DUSP22: variants seen among roughly 807,000 people sequenced by gnomAD.
DUSP22 encodes the protein dual specificity protein phosphatase 22.
A neutral mutation model predicts 24.5 loss-of-function variants in DUSP22; 24 were observed. The ratio of observed to expected loss-of-function variants is 0.98; its 90% CI spans 0.71 to 1.38. The LOEUF is 1.38. Ranked by LOEUF, DUSP22 falls within the 40% of genes most tolerant of loss-of-function variation. The pLI is 0.00. For missense variants in DUSP22, 330 were observed against 269.2 expected, an observed-to-expected ratio of 1.23 and a Z score of -1.58; for synonymous variants, 160 against 106.4, an observed-to-expected ratio of 1.50 and a Z score of -3.10.
chr6:292,655 C>A, intron 1 of DUSP22, 95 bp downstream of exon 1: 2 of 1,488,920 alleles, frequency 1.3e-6, no homozygotes, highest in South Asian at 2.5e-5. Flanking sequence ...GCCCGGGGTG[C>A]CCTTTCCCGC....
At chr6:327,831 A>G (rs1758953700) in intron 3 of DUSP22, among the ~76,000 whole-genome samples, 1 of 152,300 alleles carries the variant, frequency 6.6e-6, no homozygotes, top group Non-Finnish European at 1.5e-5. Flanking sequence ...GCAGGGAAGC[A>G]CAGAACATGT....
chr6:312,028 T>G, intron 3 of DUSP22, 66 bp downstream of exon 3: 1 of 1,527,512 alleles, frequency 6.5e-7, no homozygotes, highest in South Asian at 1.2e-5. Flanking sequence ...ACCTACGACG[T>G]TAATGAAGGC....
intron 3 of DUSP22, among the ~76,000 whole-genome samples, chr6:330,660 A>C (rs1233918558): frequency 6.6e-6 from 1 of 152,304 alleles, no homozygotes; most frequent in Non-Finnish European, 1.5e-5. Context: ...AAAACTGAAA[A>C]GTATTTAGAA....
chr6:297,247 A>T (rs1757376673), intron 1 of DUSP22, among the ~76,000 whole-genome samples: 1 of 152,304 alleles, frequency 6.6e-6, no homozygotes, highest in Non-Finnish European at 1.5e-5. Flanking sequence ...TGGCTGTAAA[A>T]TGAGGGTAAT....
At chr6:346,008 A>C in intron 5 of DUSP22, 80 bp downstream of exon 5, 1 of 1,559,152 alleles carries the variant, frequency 6.4e-7, no homozygotes, top group Admixed American at 1.7e-5. Context: ...TCCGTGTGTG[A>C]ATAATGGTTT....
intron 3 of DUSP22, among the ~76,000 whole-genome samples, chr6:313,070 T>C (rs1481843687): frequency 6.6e-6 from 1 of 152,274 alleles, no homozygotes; most frequent in Non-Finnish European, 1.5e-5. Context: ...AACAGTTCCT[T>C]TGAAAATAAC....
intron 4 of DUSP22, among the ~76,000 whole-genome samples, chr6:341,450 G>T (rs1377280743): frequency 6.6e-6 from 1 of 152,308 alleles, no homozygotes; most frequent in Non-Finnish European, 1.5e-5. Context: ...TGGGGCTTCT[G>T]TCATCAGCTT....
intron 3 of DUSP22, among the ~76,000 whole-genome samples, chr6:332,876 G>A (rs904363754): frequency 1.3e-5 from 2 of 152,300 alleles, no homozygotes; most frequent in Non-Finnish European, 2.9e-5. Flanking sequence ...AGCGTGGAGG[G>A]AGAGTGTGGG....
Position 348,099 on chromosome 6 carries a change from G to C in DUSP22, c.264-4G>C, listed in dbSNP as rs774984934. ...TCACACATGTGCTTCTCTTGGCCCC[G>C]CAGCCTGGCCGGGGTCTCCAGGAGC... is the stretch of plus-strand genomic sequence containing the variant. On this transcript the variant is annotated splice_region_variant and splice_polypyrimidine_tract_variant and intron_variant, in intron 5 of 6. Transcript: ENST00000419235. 4 of 1,613,942 alleles carry C rather than the reference G, an allele frequency of 2.5e-6. No homozygotes were observed. Among genetic ancestry groups the C allele is most frequent in the African/African-American group, 1.3e-5 (1 of 74,962 alleles).
chr6:308,402 G>A (rs963554428), intron 2 of DUSP22, among the ~76,000 whole-genome samples: 12 of 152,416 alleles, frequency 7.9e-5, no homozygotes, highest in African/African-American at 2.9e-4. Context: ...AAGTTCCAGG[G>A]TCATCACCCA....
intron 2 of DUSP22, among the ~76,000 whole-genome samples, chr6:307,174 C>G (rs1438187568): frequency 6.6e-6 from 1 of 152,310 alleles, no homozygotes; most frequent in Non-Finnish European, 1.5e-5. Flanking sequence ...TTATCCTGCT[C>G]TTTTAAAATT....
At chr6:335,194 A>G in intron 4 of DUSP22, 31 bp downstream of exon 4, 1 of 1,609,122 alleles carries the variant, frequency 6.2e-7, no homozygotes, top group Non-Finnish European at 8.5e-7. Context: ...TTATTTGGAG[A>G]CATTTAAAAA....
chr6:300,260 TG>T (rs1453100516), intron 1 of DUSP22, among the ~76,000 whole-genome samples: 14 of 152,418 alleles, frequency 9.2e-5, no homozygotes, highest in Non-Finnish European at 1.8e-4. Flanking sequence ...TCCTTAGATG[TG>T]GGTGAGATTG....
chr6:297,921 C>T (rs1464285509), intron 1 of DUSP22, among the ~76,000 whole-genome samples: 2 of 152,308 alleles, frequency 1.3e-5, no homozygotes, highest in African/African-American at 4.8e-5. Context: ...TGTTATTGAA[C>T]ACAGTCAAGA....
rs568638535 is a variant in DUSP22, at chr6:350,710, G to C, written c.*1759G>C. 8 of 1,600,418 alleles carry C rather than the reference G, an allele frequency of 5.0e-6. No individual in the cohort carries two copies. In the South Asian group the frequency reaches 7.9e-5, roughly 16 times the overall value. ...ATACGTTAACAGAAAAATGATTTAG[G>C]ATATAGCTTGAATGCTTAAATATGT... On this transcript the variant is annotated 3_prime_UTR_variant, in exon 7 of 7. Coordinates refer to ENST00000419235, the MANE Select transcript of DUSP22 (RefSeq NM_001286555.3).
At chr6:348,594 T>C (rs1204289444) in intron 6 of DUSP22, 175 bp from the exon 7 acceptor site, 4 of 1,132,968 alleles carry the variant, frequency 3.5e-6, no homozygotes. Context: ...GAAGGAGCAG[T>C]TCCTTCTCTT....
chr6:337,552 C>G (rs547866277), intron 4 of DUSP22, among the ~76,000 whole-genome samples: 2 of 152,302 alleles, frequency 1.3e-5, no homozygotes, highest in African/African-American at 4.8e-5. Context: ...TCTCGTGGGT[C>G]AGTTCAGATC....
At position 311,913 on chromosome 6, in the gene DUSP22, A is replaced by C; in HGVS notation, c.89A>C (p.Lys30Thr). The C allele has an allele frequency of 6.2e-7, 1 of 1,612,890 alleles. No individual in the cohort carries two copies. Among genetic ancestry groups the C allele is most frequent in the Non-Finnish European group, 8.5e-7 (1 of 1,179,248 alleles). Residue 30 changes from lysine to threonine, a missense_variant, in exon 3 of 7, where the codon AAG becomes ACG. Physicochemically the swap from Lys to Thr is moderately conservative, Grantham distance 78. Coordinates refer to ENST00000419235, the MANE Select transcript of DUSP22 (RefSeq NM_001286555.3). ...GACGCGGAACAATTGAGCAAGAACA[A>C]GGTGACACATATTCTGTCTGTCCAC... ...ARDAEQLSKN[K>T]VTHILSVHDS...
chr6:317,778 C>T (rs533588961), intron 3 of DUSP22, among the ~76,000 whole-genome samples: 17 of 152,302 alleles, frequency 1.1e-4, no homozygotes, highest in South Asian at 2.1e-4. Flanking sequence ...GGATCCAGCA[C>T]GCAGGGGCCC....
Sources: allele counts gnomAD v4.1 joint callset (sites outside exome capture counted in the v4.1 genomes callset), GRCh38; gene constraint gnomAD v4.1.1; transcripts MANE v1.5; gene names NCBI Gene and HGNC (gene_info 2026-07-23, HGNC 2026-07-21).